HMCN2: variants seen among roughly 807,000 people sequenced by gnomAD.
The protein encoded by HMCN2 is hemicentin 2.
In HMCN2, 325 loss-of-function variants were observed where a neutral mutation model predicts 377.5. That is an observed-to-expected ratio of 0.86 (90% CI 0.79 to 0.94). The LOEUF is 0.94. Among genes scored for constraint, HMCN2 ranks in the 40% least tolerant of loss-of-function variants. The pLI, the probability that HMCN2 is intolerant of heterozygous loss-of-function variation, is 0.00. For missense variants in HMCN2, 4,543 were observed against 4,725.3 expected, an observed-to-expected ratio of 0.96 and a Z score of 1.13; for synonymous variants, 2,007 against 2,046.8, an observed-to-expected ratio of 0.98 and a Z score of 0.53.
rs1231003552 is a variant in HMCN2, at chr9:130,306,757, G to A, written c.1959-54G>A. On this transcript the variant is annotated intron_variant, in intron 12 of 97. Transcript: ENST00000683500. Reference sequence around the variant, plus strand: ...TGTTAGTGAATTTGTTATTAATGATGATTGTGGATCAACCCCTTTTGTGAC... The same window carrying A: ...TGTTAGTGAATTTGTTATTAATGATAATTGTGGATCAACCCCTTTTGTGAC... 1.1e-5 allele frequency: 5 copies of A among 439,486 alleles called. No homozygotes were observed. The Admixed American group carries it at 1.2e-4, about 11-fold the overall frequency. The allele number at this position is 439,486 out of a possible 1,614,324, so 27.2% of individuals were successfully genotyped here.
chr9:130,416,376 C>T (rs1280568525), intron 85 of HMCN2, among the ~76,000 whole-genome samples: 1 of 152,100 alleles, frequency 6.6e-6, no homozygotes, highest in Non-Finnish European at 1.5e-5. Context: ...AAGTGTTGGG[C>T]TTACAGGCGT....
intron 4 of HMCN2, among the ~76,000 whole-genome samples, chr9:130,290,898 C>A (rs936731741): frequency 4.0e-5 from 6 of 149,866 alleles, no homozygotes; most frequent in African/African-American, 9.8e-5. Context: ...CCAAAAACCT[C>A]ATTTTCCAAT....
rs551126939 is a variant in HMCN2, at chr9:130,403,882, G to A, written c.12148+7G>A. The A allele has an allele frequency of 7.9e-5, 102 of 1,288,576 alleles. No homozygotes were observed. Among genetic ancestry groups the A allele is most frequent in the South Asian group, 2.5e-4 (20 of 80,922 alleles). The allele number at this position is 1,288,576 out of a possible 1,614,324, so 79.8% of individuals were successfully genotyped here. A position where few individuals can be genotyped will look rare whatever the true frequency, so the allele number is the denominator to read the frequency against. On this transcript the variant is annotated splice_region_variant and intron_variant, in intron 80 of 97. Transcript: ENST00000683500. ...ACGCGGCTGGTGGTGCAAGGTGGGA[G>A]TGAGGACGGGGCCGAGGTGGGCCCT...
At chr9:130,282,934 G>T (rs1375223174) in intron 1 of HMCN2, among the ~76,000 whole-genome samples, 1 of 152,154 alleles carries the variant, frequency 6.6e-6, no homozygotes, top group Non-Finnish European at 1.5e-5. Flanking sequence ...TGCTGGGTGT[G>T]GTGGCACATG....
chr9:130,368,283 C>T lies in HMCN2; in HGVS notation c.6633C>T (p.Pro2211=). 1 of 985,746 alleles carries T rather than the reference C, an allele frequency of 1.0e-6. No individual in the cohort carries two copies. The highest frequency in any genetic ancestry group is 1.2e-6 in the Non-Finnish European group (1 of 829,934). 61.1% of individuals were successfully genotyped at this position (985,746 alleles called of 1,614,324 possible). The change falls in exon 44 of 98, where the codon CCC becomes CCT. Residue 2211 remains proline, a synonymous_variant. Transcript: ENST00000683500. ...CTTTTTTCCTGCACCCAGGTCAACCCCTCCCCGGGGAGGGGGCTGGCCTCC... is the reference window on the plus strand; with the variant it reads ...CTTTTTTCCTGCACCCAGGTCAACCTCTCCCCGGGGAGGGGGCTGGCCTCC... The part of the protein sequence containing the change: ...PKISWRKDGQ[P]LPGEGAGLQH...
chr9:130,334,800 T>TTCTCTCTCTCTCTCTCCTC (rs1838649826), intron 22 of HMCN2, among the ~76,000 whole-genome samples: 3 of 141,836 alleles, frequency 2.1e-5, no homozygotes, highest in Non-Finnish European at 4.6e-5. Flanking sequence ...TCTCTCTCTC[T>TTCTCTCTCTCTCTCTCCTC]TCTCTCTCTC....
chr9:130,381,176 CATCA>C (rs1476525356), intron 54 of HMCN2, among the ~76,000 whole-genome samples: 1 of 152,176 alleles, frequency 6.6e-6, no homozygotes, highest in African/African-American at 2.4e-5. Flanking sequence ...TGACCTCAAA[CATCA>C]ACTGACCCCT....
chr9:130,359,805 G>A (rs1051991439), intron 37 of HMCN2, among the ~76,000 whole-genome samples: 2 of 152,146 alleles, frequency 1.3e-5, no homozygotes, highest in African/African-American at 4.8e-5. Flanking sequence ...TGAGGCTTAC[G>A]GTGGCCCAGG....
chr9:130,387,128 C>T (rs1029253649), intron 61 of HMCN2, among the ~76,000 whole-genome samples: 1 of 152,220 alleles, frequency 6.6e-6, no homozygotes, highest in Non-Finnish European at 1.5e-5. Flanking sequence ...GTCCCATCCA[C>T]CCAAGGATGG....
intron 96 of HMCN2, 75 bp from the exon 97 acceptor site, chr9:130,432,354 C>T (rs1356147578): frequency 2.1e-6 from 3 of 1,414,922 alleles, no homozygotes; most frequent in Non-Finnish European, 2.0e-6. Flanking sequence ...AGGTACTTCT[C>T]CCCACGCACT....
intron 23 of HMCN2, among the ~76,000 whole-genome samples, chr9:130,339,242 G>A (rs901354645): frequency 1.7e-4 from 26 of 152,302 alleles, no homozygotes; most frequent in African/African-American, 6.0e-4. Flanking sequence ...ATTGGAACAC[G>A]CCCACGCATG....
intron 85 of HMCN2, among the ~76,000 whole-genome samples, chr9:130,417,521 C>CAAAAAAAAAAAAAAAAAAAAAAAAAAA: frequency 2.1e-5 from 1 of 47,352 alleles, no homozygotes; most frequent in Non-Finnish European, 3.5e-5. Flanking sequence ...GACTCCGTCT[C>CAAAAAAAAAAAAAAAAAAAAAAAAAAA]AAAAAAAAAA....
chr9:130,425,642 C>T (rs1255424258), intron 89 of HMCN2, 45 bp from the exon 90 acceptor site: 5 of 1,209,774 alleles, frequency 4.1e-6, no homozygotes. Flanking sequence ...CCCTTTCTCC[C>T]TCTCCCCCAC....
At position 130,406,082 on chromosome 9, in the gene HMCN2, T is replaced by C; in HGVS notation, c.12467T>C (p.Leu4156Pro). ...TTLPGDRSLR[L>P]GDRLWLRCAA... Reference sequence around the variant, plus strand: ...CTGCCTGGGGACCGCAGCCTGCGCCTTGGGGACAGGCTGTGGCTTCGCTGT... The same window carrying C: ...CTGCCTGGGGACCGCAGCCTGCGCCCTGGGGACAGGCTGTGGCTTCGCTGT... Residue 4156 changes from leucine to proline, a missense_variant, in exon 82 of 98, where the codon CTT (leucine) becomes CCT (proline). Leu to Pro is a moderately conservative substitution (Grantham distance 98). Around this residue, in one of 5 missense-constraint regions of HMCN2, gnomAD observed 1,073 missense variants for 1,319.5 expected, o/e 0.81. Transcript: ENST00000683500. 9 of 1,289,814 alleles carry C rather than the reference T, an allele frequency of 7.0e-6. No individual in the cohort carries two copies. Among genetic ancestry groups the C allele is most frequent in the Non-Finnish European group, 9.1e-6 (9 of 988,862 alleles). The allele number at this position is 1,289,814 out of a possible 1,614,324, so 79.9% of individuals were successfully genotyped here.
intron 1 of HMCN2, among the ~76,000 whole-genome samples, chr9:130,271,563 C>T (rs1010052244): frequency 1.3e-5 from 2 of 148,876 alleles, no homozygotes; most frequent in Non-Finnish European, 3.0e-5. Flanking sequence ...CTTGGACACC[C>T]CTCTTGTTGT....
At chr9:130,349,172 G>T in intron 28 of HMCN2, 41 bp downstream of exon 28, 1 of 1,289,658 alleles carries the variant, frequency 7.8e-7, no homozygotes. Flanking sequence ...AGTGTGTCTG[G>T]CCCTGTAGCC....
chr9:130,272,920 G>T (rs1554921699), intron 1 of HMCN2, among the ~76,000 whole-genome samples: 1 of 152,160 alleles, frequency 6.6e-6, no homozygotes, highest in African/African-American at 2.4e-5. Flanking sequence ...TTATCTTTTA[G>T]ATGACATGTA....
rs1221558177 is a variant in HMCN2 at position 130,424,808 on chromosome 9, GC to G, written c.13419del (p.Ile4474SerfsTer13). On this transcript the variant is annotated frameshift_variant, in exon 88 of 98. Coordinates refer to ENST00000683500, the MANE Select transcript of HMCN2 (RefSeq NM_001291815.2). LOFTEE classifies it high-confidence loss of function. ...GATGCGGGTGCTCGTGGTCACCATC[GC>G]CCCCATCTACTGGGCCCTGGCCAGA... ...PLMRVLVVTI[A>X]PIYWALARES... The G allele has an allele frequency of 1.2e-5, 18 of 1,537,536 alleles. No individual in the cohort carries two copies. The highest frequency in any genetic ancestry group is 1.4e-5 in the Non-Finnish European group (16 of 1,139,442).
Position 130,422,785 on chromosome 9 carries a change from C to T in HMCN2, c.13381+59C>T, listed in dbSNP as rs1844094406. The stretch of plus-strand genomic sequence containing the variant: ...GTTATTGTCACAGCCCAGCGAGCAT[C>T]CTCCAGAACATGCTGGACCTAGGAG... On this transcript the variant is annotated intron_variant, in intron 87 of 97. Transcript: ENST00000683500. The surrounding 1 kb of genome is among the most constrained non-coding windows in gnomAD (Gnocchi z 4.2). The T allele has an allele frequency of 4.9e-6, 6 of 1,228,996 alleles. No homozygotes were observed. Among genetic ancestry groups the T allele is most frequent in the Non-Finnish European group, 6.2e-6 (6 of 972,956 alleles). The allele number at this position is 1,228,996 out of a possible 1,614,324, so 76.1% of individuals were successfully genotyped here. A position where few individuals can be genotyped will look rare whatever the true frequency, so the allele number is the denominator to read the frequency against.
Sources: allele counts gnomAD v4.1 joint callset (sites outside exome capture counted in the v4.1 genomes callset), GRCh38; gene constraint gnomAD v4.1.1; regional missense constraint gnomAD v4.1.1; non-coding constraint Gnocchi (gnomAD v3.1); transcripts MANE v1.5; gene names NCBI Gene and HGNC (gene_info 2026-07-23, HGNC 2026-07-21).